WWC1: variants seen among roughly 807,000 people sequenced by gnomAD.
WWC1 encodes protein KIBRA.
WWC1 carries 55 observed loss-of-function variants against 138.4 expected under a neutral mutation model. That is an observed-to-expected ratio of 0.40 (90% confidence interval 0.32 to 0.50). WWC1 has a LOEUF of 0.50. WWC1 is among the 20% of genes least tolerant of loss of function. The pLI, the probability that WWC1 is intolerant of heterozygous loss-of-function variation, is 0.72. For missense variants in WWC1, 1,226 were observed against 1,420.4 expected (o/e 0.86, Z 2.20); for synonymous variants, 524 against 564.9 (o/e 0.93, Z 1.03).
chr5:168,430,273 T>G, intron 14 of WWC1, 50 bp downstream of exon 14: 1 of 1,517,128 alleles, frequency 6.6e-7, no homozygotes, highest in Non-Finnish European at 9.1e-7. Flanking sequence ...CCTCTGGAGT[T>G]ACCCCTGGGG....
intron 21 of WWC1, 72 bp downstream of exon 21, chr5:168,465,034 A>C: frequency 5.8e-6 from 9 of 1,542,136 alleles, no homozygotes; most frequent in Non-Finnish European, 7.9e-6. Flanking sequence ...GCCCCGGGGA[A>C]GAGAGGCCAG....
chr5:168,326,388 T>C (rs985637041), intron 1 of WWC1, among the ~76,000 whole-genome samples: 3 of 152,112 alleles, frequency 2.0e-5, no homozygotes, highest in Non-Finnish European at 2.9e-5. Flanking sequence ...CAGCTAATTT[T>C]GTATTTTTAG....
intron 5 of WWC1, among the ~76,000 whole-genome samples, chr5:168,400,826 G>C (rs1469188283): frequency 7.1e-6 from 1 of 140,044 alleles, no homozygotes; most frequent in Admixed American, 7.3e-5. Context: ...GAATGAGAGA[G>C]AGAGAGAGAG....
chr5:168,453,982 C>T lies in WWC1; in HGVS notation c.2540C>T (p.Thr847Ile), dbSNP rs1242735303. ...TGTCATCACAGGAGGTATGAGGAGA[C>T]CAGTGAGAATGAGGCAGTAGCCGAG... ...TLEDSWRYEE[T>I]SENEAVAEEE... The change falls in exon 18 of 23, where the codon ACC becomes ATC. Residue 847 changes from threonine to isoleucine, a missense_variant. By Grantham distance (89) the Thr-to-Ile change is moderately conservative. Around this residue, in one of 3 missense-constraint regions of WWC1, gnomAD observed 1,016 missense variants for 1,153.9 expected, o/e 0.88. Transcript: ENST00000265293. 6.2e-7 allele frequency: 1 copy of T among 1,611,628 alleles called. No individual in the cohort carries two copies. Among genetic ancestry groups the T allele is most frequent in the Non-Finnish European group, 8.5e-7 (1 of 1,179,692 alleles).
intron 1 of WWC1, among the ~76,000 whole-genome samples, chr5:168,326,022 T>C (rs576486493): frequency 3.9e-5 from 6 of 152,258 alleles, no homozygotes; most frequent in Non-Finnish European, 8.8e-5. Context: ...TATTCCCTTG[T>C]ATGTTGATAT....
chr5:168,378,129 A>G (rs902935449), intron 2 of WWC1, among the ~76,000 whole-genome samples: 3 of 152,338 alleles, frequency 2.0e-5, no homozygotes, highest in Admixed American at 6.5e-5. Flanking sequence ...TTGCTGCAAC[A>G]TGGATGCAGT....
intron 1 of WWC1, among the ~76,000 whole-genome samples, chr5:168,360,227 A>G (rs1308442335): frequency 1.3e-5 from 2 of 152,226 alleles, no homozygotes; most frequent in Non-Finnish European, 2.9e-5. Flanking sequence ...TGTCAGTAGT[A>G]GTAGCATACA....
At chr5:168,390,962 G>A (rs1425178562) in intron 3 of WWC1, among the ~76,000 whole-genome samples, 2 of 152,204 alleles carry the variant, frequency 1.3e-5, no homozygotes, top group African/African-American at 2.4e-5. Context: ...AGGGAACTGA[G>A]GCCCCCAAAG....
intron 1 of WWC1, among the ~76,000 whole-genome samples, chr5:168,301,635 T>A: frequency 7.4e-6 from 1 of 134,566 alleles, no homozygotes; most frequent in Admixed American, 7.3e-5. Flanking sequence ...CAAAACTTCG[T>A]CTCAAAAAAA....
rs769599638 is a variant in WWC1, at chr5:168,408,651, A to G, written c.865A>G (p.Ser289Gly). 11 of 1,614,060 alleles carry G rather than the reference A, an allele frequency of 6.8e-6. No individual in the cohort carries two copies. In the South Asian group the frequency reaches 9.9e-5, roughly 15 times the overall value. Reference sequence around the variant, plus strand: ...GAGCTCCCAGACAGACATCTCGGGAAGCGTGAGTAGACGGGGCAGGTTGCT... The same window carrying G: ...GAGCTCCCAGACAGACATCTCGGGAGGCGTGAGTAGACGGGGCAGGTTGCT... ...DVSSQTDISG[S>G]FGINSNNQLA... Residue 289 changes from serine to glycine, a missense_variant and splice_region_variant, in exon 7 of 23, where the codon AGC becomes GGC. Ser to Gly is a moderately conservative substitution (Grantham distance 56). Coordinates refer to ENST00000265293, the MANE Select transcript of WWC1 (RefSeq NM_015238.3).
intron 1 of WWC1, among the ~76,000 whole-genome samples, chr5:168,342,176 G>A (rs1774089333): frequency 6.6e-6 from 1 of 152,190 alleles, no homozygotes; most frequent in South Asian, 2.1e-4. Context: ...GATACAGGGA[G>A]TATTTGACAC....
At position 168,399,483 on chromosome 5, in the gene WWC1, T is replaced by A. The variant is rs751199027; in HGVS notation, c.511-5T>A. 2.0e-5 allele frequency: 33 copies of A among 1,614,038 alleles called. No homozygotes were observed. Among genetic ancestry groups the A allele is most frequent in the Non-Finnish European group, 2.3e-5 (27 of 1,179,984 alleles). ...CAGCCCTGTGTGTGGTCTGCTGCCC[T>A]CCAGGTCAACAAGCTGAAGAGAGAG... On this transcript the variant is annotated splice_region_variant and splice_polypyrimidine_tract_variant and intron_variant, in intron 4 of 22. Coordinates refer to ENST00000265293, the MANE Select transcript of WWC1 (RefSeq NM_015238.3).
At chr5:168,458,834 G>T (rs898055729) in intron 19 of WWC1, among the ~76,000 whole-genome samples, 1 of 152,196 alleles carries the variant, frequency 6.6e-6, no homozygotes, top group Non-Finnish European at 1.5e-5. Flanking sequence ...TGTAGCTTCT[G>T]TCTTTCTTTT....
intron 16 of WWC1, among the ~76,000 whole-genome samples, chr5:168,442,496 A>C (rs960118424): frequency 1.3e-5 from 2 of 151,716 alleles, no homozygotes; most frequent in African/African-American, 4.8e-5. Flanking sequence ...GCTTTGAAGA[A>C]ATATATGTAA....
intron 15 of WWC1, 52 bp from the exon 16 acceptor site, chr5:168,441,630 C>T: frequency 2.5e-6 from 4 of 1,587,842 alleles, no homozygotes; most frequent in African/African-American, 1.3e-5. Flanking sequence ...TCCCTGACAC[C>T]TGGTGTCCCC....
intron 3 of WWC1, among the ~76,000 whole-genome samples, chr5:168,396,396 GA>G (rs1224371009): frequency 6.6e-6 from 1 of 150,578 alleles, no homozygotes; most frequent in East Asian, 2.0e-4. Context: ...AAATAAAAAA[GA>G]AAAGAAAAGA....
At chr5:168,418,267 TC>T (rs1281854612) in intron 9 of WWC1, among the ~76,000 whole-genome samples, 2 of 152,006 alleles carry the variant, frequency 1.3e-5, no homozygotes, top group Non-Finnish European at 1.5e-5. Flanking sequence ...ACCCTCTGCC[TC>T]CCCCTCCTTC....
intron 3 of WWC1, among the ~76,000 whole-genome samples, chr5:168,391,484 T>TC (rs1778484904): frequency 6.6e-6 from 1 of 151,488 alleles, no homozygotes; most frequent in Non-Finnish European, 1.5e-5. Flanking sequence ...CACAGTAAAC[T>TC]CCATCTCTAC....
chr5:168,468,626 G>A (rs1757495690), intron 22 of WWC1, among the ~76,000 whole-genome samples: 1 of 152,140 alleles, frequency 6.6e-6, no homozygotes, highest in South Asian at 2.1e-4. Flanking sequence ...AGTGGCCCAA[G>A]GGTCCTTTTA....
Sources: gnomAD v4.1 joint callset for allele counts (sites outside exome capture counted in the v4.1 genomes callset) on GRCh38, gnomAD v4.1.1 for gene constraint, gnomAD v4.1.1 regional missense constraint, MANE v1.5 for transcripts, NCBI Gene and HGNC (gene_info 2026-07-23, HGNC 2026-07-21) for gene names.